The following NALCN variants were observed in gnomAD, a reference collection of about 807,000 sequenced individuals.
NALCN encodes sodium leak channel NALCN.
Under a neutral mutation model 225.3 loss-of-function variants are expected in NALCN, and 111 were observed. The ratio of observed to expected loss-of-function variants is 0.49; its 90% CI spans 0.42 to 0.58. NALCN has a LOEUF of 0.58. Among genes scored for constraint, NALCN ranks in the 20% least tolerant of loss-of-function variants. NALCN has a pLI of 0.00. For missense variants in NALCN, 1,378 were observed against 2,202.4 expected, an observed-to-expected ratio of 0.63 and a Z score of 7.49; for synonymous variants, 764 against 769.0, an observed-to-expected ratio of 0.99 and a Z score of 0.11.
chr13:101,224,522 C>T (rs192256217), intron 13 of NALCN, among the ~76,000 whole-genome samples: 40 of 152,318 alleles, frequency 2.6e-4, no homozygotes, highest in Admixed American at 2.4e-3. Context: ...TACACAATCC[C>T]TCTTGCTGCA....
Position 101,270,347 on chromosome 13 carries a change from T to C in NALCN, c.1135-11773A>G, listed in dbSNP as rs545182876. On this transcript the variant is annotated intron_variant, in intron 10 of 43. Transcript: ENST00000251127. ...TTGACATTCCCACAGCTAATTAAAT[T>C]CCTACATCTAGAATCACTTCAAATT... Among the ~76,000 whole-genome samples the C allele has an allele frequency of 4.7e-4, 71 of 152,352 alleles. 1 individual carries two copies. Among genetic ancestry groups the C allele is most frequent in the African/African-American group, 1.6e-3 (66 of 41,584 alleles).
chr13:101,138,222 C>T (rs2036900162), intron 17 of NALCN, among the ~76,000 whole-genome samples: 1 of 152,168 alleles, frequency 6.6e-6, no homozygotes, highest in Non-Finnish European at 1.5e-5. Flanking sequence ...TGTTGAATTC[C>T]CACAGCCCAG....
intron 1 of NALCN, among the ~76,000 whole-genome samples, chr13:101,415,032 C>A (rs1400094279): frequency 6.6e-6 from 1 of 151,388 alleles, no homozygotes; most frequent in Admixed American, 6.6e-5. Flanking sequence ...AAATGTTTCT[C>A]GTTGCAGATG....
Position 101,302,567 on chromosome 13 carries a change from T to G in NALCN, c.800-10201A>C, listed in dbSNP as rs113394247. Among the ~76,000 whole-genome samples the G allele has an allele frequency of 5.8e-3, 880 of 152,290 alleles. 9 individuals are homozygous for G. The highest frequency in any genetic ancestry group is 0.02 in the African/African-American group (843 of 41,572). On this transcript the variant is annotated intron_variant, in intron 7 of 43. Coordinates refer to ENST00000251127, the MANE Select transcript of NALCN (RefSeq NM_052867.4). Reference sequence around the variant, plus strand: ...TGGAATTAACTAAAAATAAAGTTCTTATTTGTATTACGATAAATACCAAAT... The same window carrying G: ...TGGAATTAACTAAAAATAAAGTTCTGATTTGTATTACGATAAATACCAAAT...
chr13:101,389,641 G>A (rs1473864737), intron 3 of NALCN, among the ~76,000 whole-genome samples: 1 of 152,198 alleles, frequency 6.6e-6, no homozygotes, highest in Non-Finnish European at 1.5e-5. Context: ...AACAACAGTG[G>A]AGGGACCCCT....
chr13:101,284,341 A>T (rs1319791504), intron 9 of NALCN, among the ~76,000 whole-genome samples: 1 of 152,216 alleles, frequency 6.6e-6, no homozygotes, highest in Non-Finnish European at 1.5e-5. Context: ...ATATTGATAA[A>T]TATCTATTAG....
chr13:101,199,470 TA>T (rs961103467), intron 13 of NALCN, among the ~76,000 whole-genome samples: 3 of 151,348 alleles, frequency 2.0e-5, no homozygotes, highest in Middle Eastern at 6.9e-3. Context: ...TATGCAGCCA[TA>T]AAAAATGATG....
chr13:101,102,151 C>T (rs559003298), intron 26 of NALCN, among the ~76,000 whole-genome samples: 1 of 152,088 alleles, frequency 6.6e-6, no homozygotes, highest in East Asian at 1.9e-4. Context: ...GGAGTGGTGG[C>T]ACATGCGTGT....
intron 1 of NALCN, among the ~76,000 whole-genome samples, chr13:101,400,111 G>A (rs1011812639): frequency 3.3e-5 from 5 of 151,524 alleles, no homozygotes; most frequent in African/African-American, 1.2e-4. Context: ...GGGACACTTA[G>A]CAATGATATT....
At chr13:101,239,625 T>C (rs1442485599) in intron 11 of NALCN, among the ~76,000 whole-genome samples, 1 of 152,016 alleles carries the variant, frequency 6.6e-6, no homozygotes, top group Non-Finnish European at 1.5e-5. Context: ...AATTCATTGA[T>C]GGGTGGTATT....
At chr13:101,337,320 ATTTT>A (rs1287078001) in intron 7 of NALCN, among the ~76,000 whole-genome samples, 3,080 of 135,438 alleles carry the variant, frequency 0.023, 112 homozygotes, top group African/African-American at 0.076. Context: ...TTATTTATTT[ATTTT>A]TTGAGACAGA....
In NALCN at chr13:101,144,910, G is replaced by T; in HGVS notation, c.1840-14C>A. On this transcript the variant is annotated splice_polypyrimidine_tract_variant and intron_variant, in intron 15 of 43. Transcript: ENST00000251127. ...ACTTTGCTTTAACTAAAGAAAAATT[G>T]GAAAGAAGAAAAAAAGGGGGAACCT... The T allele has an allele frequency of 1.3e-6, 2 of 1,585,934 alleles. No individual in the cohort carries two copies. The highest frequency in any genetic ancestry group is 8.5e-7 in the Non-Finnish European group (1 of 1,171,242).
chr13:101,162,914 A>AT (rs1224161084), intron 15 of NALCN, among the ~76,000 whole-genome samples: 1 of 151,924 alleles, frequency 6.6e-6, no homozygotes, highest in Non-Finnish European at 1.5e-5. Context: ...TATTTTATTT[A>AT]TTTTTTTGAG....
chr13:101,351,305 A>G (rs1490389094), intron 6 of NALCN, among the ~76,000 whole-genome samples: 1 of 152,200 alleles, frequency 6.6e-6, no homozygotes, highest in Non-Finnish European at 1.5e-5. Context: ...ATGTATCAAA[A>G]TGAGTACTAG....
chr13:101,363,102 T>C (rs980576754), intron 6 of NALCN, among the ~76,000 whole-genome samples: 3 of 152,046 alleles, frequency 2.0e-5, no homozygotes, highest in African/African-American at 7.2e-5. Context: ...ACACAAAAAA[T>C]GGAAAGATAT....
chr13:101,411,411 C>G (rs1056998086), intron 1 of NALCN, among the ~76,000 whole-genome samples: 1 of 149,184 alleles, frequency 6.7e-6, no homozygotes, highest in African/African-American at 2.5e-5. Flanking sequence ...TGCGTGATCT[C>G]GGCTCGCTGC....
intron 13 of NALCN, among the ~76,000 whole-genome samples, chr13:101,224,804 C>A (rs139195551): frequency 0.01 from 1,568 of 152,260 alleles, 18 homozygotes; most frequent in Middle Eastern, 0.02. Flanking sequence ...TTGAAGGGCC[C>A]ATAACTACAC....
chr13:101,083,158 C>T lies in NALCN; in HGVS notation c.3624G>A (p.Gln1208=). Residue 1208 remains glutamine (Q), a synonymous_variant, in exon 32 of 44, where the codon CAG becomes CAA. Transcript: ENST00000251127. ...CGATTGTCCTCTTAAAAAATGGATG[C>T]TGGGTTATGTCATACATTTTAGCTC... The part of the protein sequence containing the change: ...GFRAKMYDIT[Q]HPFFKRTIAL... 2 of 1,614,104 alleles carry T rather than the reference C, an allele frequency of 1.2e-6. No homozygotes were observed.
At chr13:101,307,295 T>C (rs1354464325) in intron 7 of NALCN, among the ~76,000 whole-genome samples, 2 of 152,144 alleles carry the variant, frequency 1.3e-5, no homozygotes, top group Non-Finnish European at 2.9e-5. Context: ...CCCAGAACAG[T>C]CATAACTTTG....
Sources: allele counts gnomAD v4.1 joint callset (sites outside exome capture counted in the v4.1 genomes callset), GRCh38; gene constraint gnomAD v4.1.1; transcripts MANE v1.5; gene names NCBI Gene and HGNC (gene_info 2026-07-23, HGNC 2026-07-21).